The following CWF19L2 variants were observed in gnomAD, a reference collection of about 807,000 sequenced individuals.
The protein encoded by CWF19L2 is CWF19 like cell cycle control factor 2.
In CWF19L2, 98 loss-of-function variants were observed where a neutral mutation model predicts 111.7. That is an observed-to-expected ratio of 0.88 (90% confidence interval 0.75 to 1.04). CWF19L2 has a LOEUF of 1.04. CWF19L2 is among the 50% of genes least tolerant of loss of function. The pLI is 0.00. For synonymous variants in CWF19L2, 351 were observed against 342.9 expected, an observed-to-expected ratio of 1.02 and a Z score of -0.26; for missense variants, 1,101 against 1,051.4, an observed-to-expected ratio of 1.05 and a Z score of -0.65.
At chr11:107,386,922 T>C (rs1784451234) in intron 12 of CWF19L2, among the ~76,000 whole-genome samples, 1 of 151,802 alleles carries the variant, frequency 6.6e-6, no homozygotes, top group African/African-American at 2.4e-5. Flanking sequence ...GGCATGGTGG[T>C]GCGTGCCTAT....
At chr11:107,341,855 G>A (rs1056413131) in intron 14 of CWF19L2, among the ~76,000 whole-genome samples, 1 of 152,104 alleles carries the variant, frequency 6.6e-6, no homozygotes, top group African/African-American at 2.4e-5. Flanking sequence ...TACATCCAGA[G>A]TTGTTCATAT....
chr11:107,411,917 G>A (rs1327536697), intron 10 of CWF19L2, among the ~76,000 whole-genome samples: 1 of 152,182 alleles, frequency 6.6e-6, no homozygotes, highest in Non-Finnish European at 1.5e-5. Context: ...TGGCACAATG[G>A]TCTCTTAGTC....
chr11:107,405,385 T>C (rs1861062073), intron 10 of CWF19L2, among the ~76,000 whole-genome samples: 1 of 152,214 alleles, frequency 6.6e-6, no homozygotes, highest in Admixed American at 6.5e-5. Context: ...TCAAAATCAC[T>C]TTATTGATTT....
intron 12 of CWF19L2, among the ~76,000 whole-genome samples, chr11:107,378,203 G>A (rs1254263339): frequency 6.7e-6 from 1 of 149,754 alleles, no homozygotes. Context: ...GTGGAAGTCA[G>A]TGTGGCGATT....
chr11:107,362,245 G>A (rs910357478), intron 12 of CWF19L2, among the ~76,000 whole-genome samples: 1 of 152,134 alleles, frequency 6.6e-6, no homozygotes, highest in Non-Finnish European at 1.5e-5. Context: ...GAGGCAGGGG[G>A]AAGGGGCGCC....
At chr11:107,327,153 CT>C (rs1859774022) in intron 17 of CWF19L2, 100 bp from the exon 18 acceptor site, 2 of 1,167,312 alleles carry the variant, frequency 1.7e-6, no homozygotes, top group East Asian at 5.3e-5. Flanking sequence ...ATAACAAGTT[CT>C]TCTCCATGAC....
At chr11:107,451,499 A>G (rs905555673) in intron 3 of CWF19L2, among the ~76,000 whole-genome samples, 26 of 152,142 alleles carry the variant, frequency 1.7e-4, no homozygotes, top group Non-Finnish European at 3.7e-4. Flanking sequence ...ATTCAAGGAA[A>G]CTAAAAGGCA....
At chr11:107,350,127 C>T (rs1860135992) in intron 13 of CWF19L2, among the ~76,000 whole-genome samples, 1 of 151,902 alleles carries the variant, frequency 6.6e-6, no homozygotes, top group Non-Finnish European at 1.5e-5. Context: ...AAATTAATAC[C>T]TAAATAAATT....
intron 3 of CWF19L2, among the ~76,000 whole-genome samples, chr11:107,451,843 C>T (rs1262830610): frequency 1.3e-5 from 2 of 152,146 alleles, no homozygotes; most frequent in Non-Finnish European, 2.9e-5. Context: ...AATTTTAACA[C>T]TTATAGATGC....
At chr11:107,385,743 T>C (rs933183154) in intron 12 of CWF19L2, among the ~76,000 whole-genome samples, 1 of 152,270 alleles carries the variant, frequency 6.6e-6, no homozygotes, top group Non-Finnish European at 1.5e-5. Flanking sequence ...TGATGAAATA[T>C]GCTGTTCTAC....
At chr11:107,358,154 A>G (rs1379860236) in intron 12 of CWF19L2, among the ~76,000 whole-genome samples, 2 of 152,184 alleles carry the variant, frequency 1.3e-5, no homozygotes, top group Admixed American at 1.3e-4. Context: ...GGAATGTAAG[A>G]TAGTGCAGCT....
At chr11:107,386,486 C>A (rs571406738) in intron 12 of CWF19L2, among the ~76,000 whole-genome samples, 1 of 152,100 alleles carries the variant, frequency 6.6e-6, no homozygotes, top group Non-Finnish European at 1.5e-5. Context: ...CCAAGAAAAA[C>A]CCATAGTTAT....
intron 14 of CWF19L2, among the ~76,000 whole-genome samples, chr11:107,347,090 T>C (rs1303072893): frequency 6.6e-6 from 1 of 152,138 alleles, no homozygotes; most frequent in African/African-American, 2.4e-5. Flanking sequence ...TTTGTAAAAA[T>C]GATAACAATA....
intron 12 of CWF19L2, among the ~76,000 whole-genome samples, chr11:107,384,234 T>C (rs372652813): frequency 3.9e-5 from 6 of 152,358 alleles, no homozygotes; most frequent in African/African-American, 1.4e-4. Context: ...AGGTTGAATA[T>C]CACTTATCCA....
chr11:107,335,423 G>GAA (rs143234055), intron 15 of CWF19L2, among the ~76,000 whole-genome samples: 3 of 151,658 alleles, frequency 2.0e-5, no homozygotes, highest in African/African-American at 4.8e-5. Context: ...AAAAATACAG[G>GAA]AAAAAAAATG....
rs1363697566 is a variant in CWF19L2 at position 107,375,564 on chromosome 11, C to T, written c.1872+14510G>A. ...TGAAGGCAGAAATAAAGATGTTCTT[C>T]GAAACCAACAAGAACAAAGACACAA... On this transcript the variant is annotated intron_variant, in intron 12 of 17. Coordinates refer to ENST00000282251, the MANE Select transcript of CWF19L2 (RefSeq NM_152434.3). Among the ~76,000 whole-genome samples the T allele has an allele frequency of 7.4e-3, 994 of 135,220 alleles. 18 individuals are homozygous for T. Among genetic ancestry groups the T allele is most frequent in the Middle Eastern group, 0.017 (4 of 242 alleles). 88.7% of individuals were successfully genotyped at this position (135,220 alleles called of 152,430 possible).
chr11:107,327,775 A>C (rs1305531495), intron 17 of CWF19L2, among the ~76,000 whole-genome samples: 2 of 152,158 alleles, frequency 1.3e-5, no homozygotes, highest in African/African-American at 4.8e-5. Flanking sequence ...TAATGCTTAA[A>C]TGCTTAGAGG....
intron 3 of CWF19L2, among the ~76,000 whole-genome samples, chr11:107,444,292 A>C (rs1436955202): frequency 6.6e-6 from 1 of 152,184 alleles, no homozygotes; most frequent in Middle Eastern, 3.4e-3. Context: ...CCATTAATCT[A>C]CTGAAACTTC....
chr11:107,327,995 A>C (rs943807577), intron 17 of CWF19L2, among the ~76,000 whole-genome samples: 18 of 152,108 alleles, frequency 1.2e-4, no homozygotes, highest in African/African-American at 3.9e-4. Flanking sequence ...TAGGGGATAC[A>C]GAGATTGTGG....
Sources: allele counts gnomAD v4.1 joint callset (sites outside exome capture counted in the v4.1 genomes callset), GRCh38; gene constraint gnomAD v4.1.1; transcripts MANE v1.5; gene names NCBI Gene and HGNC (gene_info 2026-07-23, HGNC 2026-07-21).